The following EXOC2 variants were observed in gnomAD, a reference collection of about 807,000 sequenced individuals.
EXOC2 encodes exocyst complex component 2.
EXOC2 carries 70 observed loss-of-function variants against 131.8 expected under a neutral mutation model. The ratio of observed to expected loss-of-function variants is 0.53; its 90% confidence interval spans 0.44 to 0.65. The LOEUF (loss-of-function observed/expected upper bound fraction) is 0.65, where lower values mean the gene tolerates loss of function less well. EXOC2 is among the 30% of genes least tolerant of loss of function. The pLI is 0.00. For missense variants in EXOC2, 923 were observed against 1,108.6 expected (o/e 0.83, Z 2.38); for synonymous variants, 411 against 398.4 (o/e 1.03, Z -0.38).
chr6:507,170 C>CCA (rs1295038504), intron 23 of EXOC2, among the ~76,000 whole-genome samples: 1 of 37,568 alleles, frequency 2.7e-5, no homozygotes, highest in African/African-American at 9.0e-5. Context: ...ACCCCCCCAC[C>CCA]CACACACACA....
At chr6:498,452 A>G (rs1166403453) in intron 24 of EXOC2, among the ~76,000 whole-genome samples, 2 of 152,172 alleles carry the variant, frequency 1.3e-5, no homozygotes, top group African/African-American at 2.4e-5. Flanking sequence ...CAAAAACAGA[A>G]TTTTTATATT....
intron 4 of EXOC2, among the ~76,000 whole-genome samples, chr6:623,239 A>G (rs1761384425): frequency 6.6e-6 from 1 of 152,172 alleles, no homozygotes; most frequent in Admixed American, 6.5e-5. Context: ...AAGCCCCTGG[A>G]GCTGGATTCT....
chr6:628,372 C>A (rs1279654533), intron 4 of EXOC2, among the ~76,000 whole-genome samples: 1 of 152,172 alleles, frequency 6.6e-6, no homozygotes, highest in Non-Finnish European at 1.5e-5. Context: ...ATTAACCTGA[C>A]ACTTATTAGG....
chr6:659,069 G>T (rs1013031986), intron 1 of EXOC2, among the ~76,000 whole-genome samples: 1 of 152,120 alleles, frequency 6.6e-6, no homozygotes, highest in Admixed American at 6.5e-5. Flanking sequence ...ATAATATACA[G>T]TATCTTGAAG....
chr6:604,427 C>T (rs924404557), intron 7 of EXOC2, among the ~76,000 whole-genome samples: 25 of 152,294 alleles, frequency 1.6e-4, no homozygotes, highest in Middle Eastern at 3.4e-3. Flanking sequence ...ACATGCCTAC[C>T]GTCCACTTCT....
intron 23 of EXOC2, among the ~76,000 whole-genome samples, chr6:502,906 G>T (rs1448387007): frequency 6.6e-6 from 1 of 152,182 alleles, no homozygotes; most frequent in African/African-American, 2.4e-5. Flanking sequence ...GGAAAAATGT[G>T]TGGTCCTGTG....
chr6:576,651 T>C (rs192856027), intron 12 of EXOC2, 106 bp downstream of exon 12: 17 of 1,352,190 alleles, frequency 1.3e-5, no homozygotes, highest in Admixed American at 9.0e-5. Context: ...TGATAATACT[T>C]AGCACCAGTA....
At chr6:566,931 G>A (rs1200882548) in intron 13 of EXOC2, among the ~76,000 whole-genome samples, 1 of 152,120 alleles carries the variant, frequency 6.6e-6, no homozygotes, top group Non-Finnish European at 1.5e-5. Context: ...CTGCTCAGGA[G>A]CCCACTGCGA....
At chr6:507,531 C>T (rs775997131) in intron 23 of EXOC2, among the ~76,000 whole-genome samples, 1 of 152,090 alleles carries the variant, frequency 6.6e-6, no homozygotes, top group African/African-American at 2.4e-5. Flanking sequence ...ATTGTTCAGG[C>T]AAACAGCAAA....
chr6:629,805 AAAG>A (rs1268748812), intron 4 of EXOC2, 27 bp downstream of exon 4: 1 of 1,607,154 alleles, frequency 6.2e-7, no homozygotes, highest in Non-Finnish European at 8.5e-7. Context: ...ACTGAAAAAT[AAAG>A]AAGACTGAAA....
At chr6:625,870 A>C (rs1339285295) in intron 4 of EXOC2, among the ~76,000 whole-genome samples, 1 of 152,100 alleles carries the variant, frequency 6.6e-6, no homozygotes, top group African/African-American at 2.4e-5. Context: ...AAAACAGTTG[A>C]GATCATATAA....
intron 12 of EXOC2, among the ~76,000 whole-genome samples, chr6:575,791 A>G (rs1758547842): frequency 1.3e-5 from 2 of 152,226 alleles, no homozygotes; most frequent in African/African-American, 2.4e-5. Context: ...AAAAGATCTC[A>G]GCTCCTCTGT....
chr6:555,911 A>G, intron 19 of EXOC2, 43 bp downstream of exon 19: 1 of 1,575,496 alleles, frequency 6.3e-7, no homozygotes, highest in Non-Finnish European at 8.7e-7. Context: ...ACTGACACTT[A>G]GTATTATTTG....
intron 24 of EXOC2, among the ~76,000 whole-genome samples, chr6:499,064 GCTT>G (rs1379369610): frequency 6.6e-6 from 1 of 152,152 alleles, no homozygotes; most frequent in East Asian, 1.9e-4. Flanking sequence ...TTAACACAAA[GCTT>G]AAGATGAAAG....
intron 11 of EXOC2, among the ~76,000 whole-genome samples, chr6:591,212 C>A (rs189950130): frequency 6.6e-6 from 1 of 152,184 alleles, no homozygotes; most frequent in African/African-American, 2.4e-5. Context: ...CCACTATGGG[C>A]GGCCAGAGTC....
chr6:547,172 T>C (rs1264435781), intron 22 of EXOC2, among the ~76,000 whole-genome samples: 3 of 152,346 alleles, frequency 2.0e-5, no homozygotes, highest in East Asian at 1.9e-4. Context: ...TCACTGATCA[T>C]TACATTTTAA....
rs561631436 is a variant in EXOC2 at position 567,211 on chromosome 6, C to T, written c.1444-2282G>A. On this transcript the variant is annotated intron_variant, in intron 13 of 27. Transcript: ENST00000230449. ...AAGCCACTGCCAGCTGGGCCTGTCC[C>T]TCCCAGCCCTCCCACTGCTCAGGAC... Among the ~76,000 whole-genome samples, 53 of 152,364 alleles carry T rather than the reference C, an allele frequency of 3.5e-4. 2 individuals carry two copies. In the East Asian group the frequency reaches 3.7e-3, roughly 11 times the overall value.
At chr6:686,590 C>A (rs1764666443) in intron 1 of EXOC2, among the ~76,000 whole-genome samples, 1 of 152,108 alleles carries the variant, frequency 6.6e-6, no homozygotes, top group Non-Finnish European at 1.5e-5. Context: ...GCTCTCAGAG[C>A]CCCCATAAAA....
chr6:669,007 T>C (rs1763740849), intron 1 of EXOC2: 1 of 152,244 alleles, frequency 6.6e-6, no homozygotes, highest in Non-Finnish European at 1.5e-5. Flanking sequence ...GCTAGGCACA[T>C]GAAGGTGCGG....
Sources: gnomAD v4.1 joint callset for allele counts (sites outside exome capture counted in the v4.1 genomes callset) on GRCh38, gnomAD v4.1.1 for gene constraint, MANE v1.5 for transcripts, NCBI Gene and HGNC (gene_info 2026-07-23, HGNC 2026-07-21) for gene names.